Variants in TMEM132C observed in about 807,000 individuals in gnomAD.
TMEM132C encodes protein phosphatase 1, regulatory subunit 152.
In TMEM132C, 29 loss-of-function variants were observed where a neutral mutation model predicts 61.4. The observed-to-expected ratio is 0.47, with a 90% CI of 0.35 to 0.64. The LOEUF (loss-of-function observed/expected upper bound fraction) is 0.64. Among genes scored for constraint, TMEM132C ranks in the 30% least tolerant of loss-of-function variants. The pLI is 0.00. For synonymous variants in TMEM132C, 656 were observed against 633.1 expected (o/e 1.04, Z -0.54); for missense variants, 1,408 against 1,476.9 (o/e 0.95, Z 0.76).
chr12:128,301,142 G>A (rs139756046), intron 1 of TMEM132C, among the ~76,000 whole-genome samples: 91 of 152,312 alleles, frequency 6.0e-4, no homozygotes, highest in Middle Eastern at 6.8e-3. Context: ...GGAGAGGTGT[G>A]CTGTGGGAAG....
At chr12:128,484,674 T>C (rs1325581246) in intron 2 of TMEM132C, among the ~76,000 whole-genome samples, 1 of 152,136 alleles carries the variant, frequency 6.6e-6, no homozygotes, top group Non-Finnish European at 1.5e-5. Flanking sequence ...AGAAAGACTT[T>C]TTGGCAGCGT....
At chr12:128,552,998 G>T (rs374025121) in intron 3 of TMEM132C, among the ~76,000 whole-genome samples, 52 of 152,336 alleles carry the variant, frequency 3.4e-4, no homozygotes, top group African/African-American at 1.2e-3. Flanking sequence ...TTGCCTTGGA[G>T]GTTAGAGAAA....
intron 2 of TMEM132C, among the ~76,000 whole-genome samples, chr12:128,521,763 G>A (rs897188768): frequency 7.9e-5 from 12 of 152,138 alleles, no homozygotes; most frequent in Admixed American, 6.5e-4. Flanking sequence ...TAGCTCAAGA[G>A]CGGAATCTGG....
intron 2 of TMEM132C, among the ~76,000 whole-genome samples, chr12:128,514,110 C>G (rs879266797): frequency 1.3e-5 from 2 of 152,248 alleles, no homozygotes; most frequent in Admixed American, 1.3e-4. Flanking sequence ...AAATCCCTTT[C>G]TTGTGAACAA....
intron 8 of TMEM132C, among the ~76,000 whole-genome samples, chr12:128,701,177 C>T (rs1256726080): frequency 1.3e-5 from 2 of 151,608 alleles, no homozygotes; most frequent in Non-Finnish European, 2.9e-5. Context: ...AACTCCTTGG[C>T]ACATCTTGCT....
In TMEM132C at chr12:128,706,491, T is replaced by C. The variant is rs7308126; in HGVS notation, c.*196T>C. On this transcript the variant is annotated 3_prime_UTR_variant, in exon 9 of 9. Transcript: ENST00000435159. ...TTAGCAGTTAATGGTGGTGGATTTT[T>C]AAAGGTCAGGGGAATAAAGTCTGGG... The C allele has an allele frequency of 0.062, 42,990 of 696,320 alleles. 2,329 individuals are homozygous for C. Among genetic ancestry groups the C allele is most frequent in the African/African-American group, 0.23 (12,974 of 56,236 alleles). 43.1% of individuals were successfully genotyped at this position (696,320 alleles called of 1,614,324 possible). A position where few individuals can be genotyped will look rare whatever the true frequency, so the allele number is the denominator to read the frequency against.
At chr12:128,480,339 A>G (rs1290175825) in intron 2 of TMEM132C, among the ~76,000 whole-genome samples, 1 of 152,214 alleles carries the variant, frequency 6.6e-6, no homozygotes. Context: ...ATTATTCTGC[A>G]TGGACCTTCT....
In TMEM132C at chr12:128,693,927, C is replaced by A. The variant is rs559356284; in HGVS notation, c.1548C>A (p.Pro516=). Residue 516 remains proline (P), a synonymous_variant, in exon 6 of 9, where the codon CCC becomes CCA. Transcript: ENST00000435159. ...VNFTYQYLSA[P]LCVTVWVPRL... ...TCACATACCAGTACCTGAGCGCCCC[C>A]CTGTGTGTCACCGTGTGGGTGCCCC... The A allele has an allele frequency of 5.2e-6, 8 of 1,551,786 alleles. No homozygotes were observed. Among genetic ancestry groups the A allele is most frequent in the East Asian group, 2.4e-5 (1 of 40,910 alleles).
chr12:128,686,589 T>C (rs1954678834), intron 5 of TMEM132C, among the ~76,000 whole-genome samples: 1 of 152,156 alleles, frequency 6.6e-6, no homozygotes, highest in Non-Finnish European at 1.5e-5. Context: ...CAAGACCCTG[T>C]CTCTGTTGAA....
chr12:128,547,529 A>C, intron 3 of TMEM132C, among the ~76,000 whole-genome samples: 1 of 146,582 alleles, frequency 6.8e-6, no homozygotes, highest in East Asian at 2.0e-4. Flanking sequence ...GCACCACCAT[A>C]CTCCAGCCTG....
intron 1 of TMEM132C, among the ~76,000 whole-genome samples, chr12:128,382,611 T>C (rs1436086028): frequency 6.6e-6 from 1 of 152,226 alleles, no homozygotes; most frequent in Non-Finnish European, 1.5e-5. Context: ...ATCCTATTCC[T>C]ATGCACCCAA....
At chr12:128,521,593 G>A (rs2136127936) in intron 2 of TMEM132C, among the ~76,000 whole-genome samples, 1 of 151,878 alleles carries the variant, frequency 6.6e-6, no homozygotes, top group South Asian at 2.1e-4. Flanking sequence ...AGATTATACA[G>A]GACTAACTAG....
chr12:128,506,193 C>T lies in TMEM132C; in HGVS notation c.975-37764C>T, dbSNP rs117629040. ...GCAGACACGTCTCTAGACATCATGC[C>T]AGCTCTCCAGATGCAGGAGAAAGCA... On this transcript the variant is annotated intron_variant, in intron 2 of 8. Coordinates refer to ENST00000435159, the MANE Select transcript of TMEM132C (RefSeq NM_001136103.3). Among the ~76,000 whole-genome samples, 505 of 152,310 alleles carry T rather than the reference C, an allele frequency of 3.3e-3. 1 individual carries two copies. Among genetic ancestry groups the T allele is most frequent in the Non-Finnish European group, 4.6e-3 (316 of 68,036 alleles).
intron 2 of TMEM132C, among the ~76,000 whole-genome samples, chr12:128,452,039 T>A (rs1870190657): frequency 6.6e-6 from 1 of 152,112 alleles, no homozygotes. Context: ...GAAGTCGAAA[T>A]GCAGGCCAAG....
chr12:128,275,832 C>A (rs1008871927), intron 1 of TMEM132C, among the ~76,000 whole-genome samples: 4 of 152,176 alleles, frequency 2.6e-5, no homozygotes, highest in Non-Finnish European at 4.4e-5. Flanking sequence ...GGTCCTCTCA[C>A]AATTCTGGGG....
At chr12:128,441,724 C>T (rs558476576) in intron 2 of TMEM132C, among the ~76,000 whole-genome samples, 21 of 152,280 alleles carry the variant, frequency 1.4e-4, no homozygotes, top group African/African-American at 4.8e-4. Flanking sequence ...TCTTGCCTTC[C>T]CTGTGATTTA....
rs879208256 is a variant in TMEM132C, at chr12:128,697,424, C to A, written c.2121+9C>A. 2.6e-6 allele frequency: 4 copies of A among 1,524,440 alleles called. No homozygotes were observed. Among genetic ancestry groups the A allele is most frequent in the South Asian group, 1.2e-5 (1 of 81,954 alleles). 94.4% of individuals were successfully genotyped at this position (1,524,440 alleles called of 1,614,324 possible). On this transcript the variant is annotated intron_variant, in intron 8 of 8. Coordinates refer to ENST00000435159, the MANE Select transcript of TMEM132C (RefSeq NM_001136103.3). ...TGCGGACCCCCAAACAGGTAGGGGG[C>A]CAAATGCCAGAGGTTCAGAGGGAGC...
chr12:128,595,936 T>C (rs2135569786), intron 3 of TMEM132C, among the ~76,000 whole-genome samples: 1 of 152,324 alleles, frequency 6.6e-6, no homozygotes, highest in South Asian at 2.1e-4. Flanking sequence ...AAAACTGCCA[T>C]GCCCACCATG....
At chr12:128,380,670 G>A (rs141592225) in intron 1 of TMEM132C, among the ~76,000 whole-genome samples, 42 of 152,274 alleles carry the variant, frequency 2.8e-4, no homozygotes, top group African/African-American at 8.7e-4. Flanking sequence ...GGTATTTTGG[G>A]AGGCTGAGGC....
Sources: allele counts gnomAD v4.1 joint callset (sites outside exome capture counted in the v4.1 genomes callset), GRCh38; gene constraint gnomAD v4.1.1; transcripts MANE v1.5; gene names NCBI Gene and HGNC (gene_info 2026-07-23, HGNC 2026-07-21).